Variants in PCSK4 observed in about 807,000 individuals in gnomAD.
PCSK4 encodes proprotein convertase subtilisin/kexin type 4.
PCSK4 carries 64 observed loss-of-function variants against 80.3 expected under a neutral mutation model. The observed-to-expected ratio is 0.80, with a 90% CI of 0.65 to 0.98. The LOEUF (loss-of-function observed/expected upper bound fraction) is 0.98, where lower values mean the gene tolerates loss of function less well. Ranked by LOEUF, PCSK4 falls within the 50% of genes least tolerant of loss-of-function variation. PCSK4 has a pLI of 0.00. For missense variants in PCSK4, 1,213 were observed against 1,093.6 expected (o/e 1.11, Z -1.54); for synonymous variants, 561 against 487.6 (o/e 1.15, Z -1.98).
chr19:1,483,798 G>A (rs1400160762), intron 10 of PCSK4, 31 bp from the exon 11 acceptor site: 2 of 1,522,174 alleles, frequency 1.3e-6, no homozygotes, highest in Non-Finnish European at 1.7e-6. Context: ...CACTCGCCCC[G>A]TGGGCCCCGG....
chr19:1,485,803 G>A (rs9783980), intron 8 of PCSK4, among the ~76,000 whole-genome samples: 4,029 of 151,918 alleles, frequency 0.027, 201 homozygotes, highest in African/African-American at 0.092. Context: ...CCCGGGAGGC[G>A]GAGCTTGCAG....
chr19:1,490,092 G>T, intron 1 of PCSK4, 66 bp downstream of exon 1: 1 of 1,582,590 alleles, frequency 6.3e-7, no homozygotes, highest in Non-Finnish European at 8.6e-7. Context: ...CCTCCCCCTT[G>T]TCGGGGTCTA....
chr19:1,484,554 AC>A (rs1435285220), intron 8 of PCSK4, among the ~76,000 whole-genome samples: 1 of 151,194 alleles, frequency 6.6e-6, no homozygotes, highest in Non-Finnish European at 1.5e-5. Flanking sequence ...GCGGTGGCTC[AC>A]ACCTGTAATC....
rs548847655 is a variant in PCSK4, at chr19:1,483,583, A to T, written c.1391+67T>A. 5 of 1,440,572 alleles carry T rather than the reference A, an allele frequency of 3.5e-6. No homozygotes were observed. In the African/African-American group the frequency reaches 7.0e-5, roughly 20 times the overall value. 89.2% of individuals were successfully genotyped at this position (1,440,572 alleles called of 1,614,324 possible). Reference sequence around the variant, plus strand: ...CAGCCCTCGTTTTACAGATGGGTAAACTGAGGCCTCAGGCCTGTCCCCCAC... The same window carrying T: ...CAGCCCTCGTTTTACAGATGGGTAATCTGAGGCCTCAGGCCTGTCCCCCAC... On this transcript the variant is annotated intron_variant, in intron 11 of 14. Transcript: ENST00000300954.
At chr19:1,481,496 G>A (rs1047066483) in exon 15 of PCSK4, 5 of 387,450 alleles carry the variant, frequency 1.3e-5, no homozygotes, top group Admixed American at 4.1e-5. Context: ...ACAGTGTCAC[G>A]TTTCTCTCCC....
At chr19:1,484,805 T>A (rs1415127417) in intron 8 of PCSK4, among the ~76,000 whole-genome samples, 1 of 151,416 alleles carries the variant, frequency 6.6e-6, no homozygotes, top group Non-Finnish European at 1.5e-5. Context: ...ATGGCAAGAC[T>A]CCATCTCAAA....
chr19:1,484,412 G>T (rs188243025), intron 8 of PCSK4, among the ~76,000 whole-genome samples: 5 of 151,776 alleles, frequency 3.3e-5, no homozygotes, highest in African/African-American at 1.2e-4. Context: ...ACTTGAACCC[G>T]ACAGGCAGAG....
chr19:1,488,411 C>T, intron 2 of PCSK4, 131 bp from the exon 3 acceptor site: 2 of 669,788 alleles, frequency 3.0e-6, no homozygotes, highest in African/African-American at 1.8e-5. Context: ...TCCCCATGTG[C>T]CTGGGGCTCT....
At chr19:1,482,709 A>G (rs985654136) in intron 13 of PCSK4, 187 bp downstream of exon 13, 30 of 758,480 alleles carry the variant, frequency 4.0e-5, no homozygotes, top group Non-Finnish European at 5.9e-5. Context: ...GTGTTACCGC[A>G]CACCTACTGT....
At chr19:1,483,045 TGG>T in intron 12 of PCSK4, 25 bp from the exon 13 acceptor site, 1 of 346,598 alleles carries the variant, frequency 2.9e-6, no homozygotes, top group Non-Finnish European at 5.7e-6. Context: ...TGGGTGGGGG[TGG>T]GGGTGTCAAG....
chr19:1,487,440 A>G, intron 6 of PCSK4, 127 bp from the exon 7 acceptor site: 3 of 993,268 alleles, frequency 3.0e-6, no homozygotes, highest in Non-Finnish European at 4.4e-6. Flanking sequence ...CTGGAGTGGG[A>G]CCATTCGTAT....
At chr19:1,484,181 C>T (rs1282022032) in intron 8 of PCSK4, 54 bp from the exon 9 acceptor site, 16 of 1,023,442 alleles carry the variant, frequency 1.6e-5, no homozygotes, top group East Asian at 2.7e-5. Flanking sequence ...AGAATACAGC[C>T]CTTCTTCAAA....
intron 4 of PCSK4, 36 bp downstream of exon 4, chr19:1,487,928 G>A: frequency 1.3e-6 from 2 of 1,590,814 alleles, no homozygotes; most frequent in South Asian, 1.1e-5. Context: ...CTCGGCACCT[G>A]GGGCAGCCCT....
At chr19:1,490,301 G>A (rs2084880469) in exon 1 of PCSK4, 6 of 1,546,360 alleles carry the variant, frequency 3.9e-6, no homozygotes, top group Non-Finnish European at 5.3e-6. Flanking sequence ...ACAAGGGCCA[G>A]GGCCAAGACC....
At position 1,490,380 on chromosome 19, in the gene PCSK4, C is replaced by T. The variant is rs1034628443; in HGVS notation, c.-34G>A. On this transcript the variant is annotated 5_prime_UTR_variant, in exon 1 of 15. Coordinates refer to ENST00000300954, the Ensembl canonical transcript of PCSK4. Reference sequence around the variant, plus strand: ...GGCGGGAGCGGGGCCTGCGCAAATCCCCTCCCTCCCGCCAAACCGCCGAGT... The same window carrying T: ...GGCGGGAGCGGGGCCTGCGCAAATCTCCTCCCTCCCGCCAAACCGCCGAGT... The T allele has an allele frequency of 1.9e-4, 153 of 805,116 alleles. No homozygotes were observed. The East Asian group carries it at 2.7e-3, about 14-fold the overall frequency. The allele number at this position is 805,116 out of a possible 1,614,324, so 49.9% of individuals were successfully genotyped here.
At chr19:1,489,538 G>A in intron 2 of PCSK4, 1 of 552,230 alleles carries the variant, frequency 1.8e-6, no homozygotes, top group Non-Finnish European at 3.1e-6. Flanking sequence ...CTCCTTACCA[G>A]AGCCCCTGGG....
In PCSK4 at chr19:1,490,300, A is replaced by G. The variant is rs2084880350; in HGVS notation, c.47T>C (p.Leu16Pro). 2 of 1,553,834 alleles carry G rather than the reference A, an allele frequency of 1.3e-6. No homozygotes were observed. The highest frequency in any genetic ancestry group is 1.4e-5 in the African/African-American group (1 of 73,294). ...CACAGCCCGGGGGCGGACAAGGGCC[A>G]GGGCCAAGACCAGGCGCAGCCACAG... Residue 16 changes from leucine to proline, a missense_variant, in exon 1 of 15, where the codon CTG becomes CCG. By Grantham distance (98) the Leu-to-Pro change is moderately conservative (BLOSUM62 -3). Transcript: ENST00000300954.
intron 12 of PCSK4, 79 bp downstream of exon 12, chr19:1,483,205 C>T (rs935878082): frequency 1.4e-6 from 2 of 1,393,330 alleles, no homozygotes; most frequent in African/African-American, 2.9e-5. Flanking sequence ...TGGCCCCTCC[C>T]CGTGAGGACA....
chr19:1,485,208 G>A (rs549482374), intron 8 of PCSK4, among the ~76,000 whole-genome samples: 1 of 151,446 alleles, frequency 6.6e-6, no homozygotes, highest in East Asian at 1.9e-4. Context: ...AAGTAACAAG[G>A]ACTATGCTCA....
Sources: gnomAD v4.1 joint callset for allele counts (sites outside exome capture counted in the v4.1 genomes callset) on GRCh38, gnomAD v4.1.1 for gene constraint, MANE v1.5 for transcripts, NCBI Gene and HGNC (gene_info 2026-07-23, HGNC 2026-07-21) for gene names.